Variants in EYA2 observed in about 807,000 individuals in gnomAD.
EYA2 encodes protein phosphatase EYA2.
Under a neutral mutation model 69.2 loss-of-function variants are expected in EYA2, and 31 were observed. The ratio of observed to expected loss-of-function variants is 0.45; its 90% CI spans 0.34 to 0.60. The LOEUF (loss-of-function observed/expected upper bound fraction) is 0.60. EYA2 is among the 20% of genes least tolerant of loss of function. The pLI, the probability that EYA2 is intolerant of heterozygous loss-of-function variation, is 0.02. For missense variants in EYA2, 622 were observed against 701.2 expected (o/e 0.89, Z 1.28); for synonymous variants, 257 against 279.4 (o/e 0.92, Z 0.80).
chr20:47,110,398 T>C (rs1052873630), intron 9 of EYA2, among the ~76,000 whole-genome samples: 1 of 146,356 alleles, frequency 6.8e-6, no homozygotes, highest in Non-Finnish European at 1.5e-5. Flanking sequence ...TGCACTACCA[T>C]GCCCAGCTAA....
intron 10 of EYA2, among the ~76,000 whole-genome samples, chr20:47,154,728 CAGG>C (rs1387761390): frequency 1.3e-5 from 2 of 151,830 alleles, no homozygotes; most frequent in Non-Finnish European, 2.9e-5. Flanking sequence ...GATCTGACAC[CAGG>C]AGGAGGAGGA....
At chr20:47,127,346 G>A (rs1306634996) in intron 9 of EYA2, among the ~76,000 whole-genome samples, 3 of 152,140 alleles carry the variant, frequency 2.0e-5, no homozygotes. Context: ...GCTCATGCTT[G>A]TAATCCCAGC....
chr20:46,980,538 A>G (rs1980766181), intron 1 of EYA2, among the ~76,000 whole-genome samples: 1 of 152,242 alleles, frequency 6.6e-6, no homozygotes, highest in Non-Finnish European at 1.5e-5. Flanking sequence ...TGATACGTTC[A>G]TATAATGTAT....
chr20:47,093,588 T>C (rs2032153209), intron 8 of EYA2, among the ~76,000 whole-genome samples: 3 of 152,042 alleles, frequency 2.0e-5, no homozygotes, highest in African/African-American at 7.2e-5. Context: ...GCGCAAGCTG[T>C]GCTGTGGCTC....
intron 15 of EYA2, among the ~76,000 whole-genome samples, chr20:47,183,975 C>A (rs2034587934): frequency 1.3e-5 from 2 of 152,122 alleles, no homozygotes; most frequent in Non-Finnish European, 2.9e-5. Context: ...ATTAGGGGGA[C>A]CTGGTTTCCC....
chr20:46,923,122 C>T (rs539474345), intron 1 of EYA2, among the ~76,000 whole-genome samples: 1 of 152,310 alleles, frequency 6.6e-6, no homozygotes, highest in Admixed American at 6.5e-5. Context: ...AATCCAAGCA[C>T]TTTGGGAGGC....
chr20:47,022,856 G>A (rs6012100), intron 5 of EYA2, among the ~76,000 whole-genome samples: 6,652 of 151,750 alleles, frequency 0.044, 472 homozygotes, highest in East Asian at 0.29. Context: ...GGGTTTCATT[G>A]TGTTGCATAG....
At chr20:46,953,121 G>A (rs937439537) in intron 1 of EYA2, among the ~76,000 whole-genome samples, 10 of 152,136 alleles carry the variant, frequency 6.6e-5, no homozygotes, top group Non-Finnish European at 8.8e-5. Flanking sequence ...AACACGAAAG[G>A]GAGATACTTG....
At chr20:47,151,642 T>C (rs2033825322) in intron 10 of EYA2, among the ~76,000 whole-genome samples, 1 of 151,970 alleles carries the variant, frequency 6.6e-6, no homozygotes, top group Admixed American at 6.5e-5. Flanking sequence ...CTGAACCAGT[T>C]CCATGTCCTT....
chr20:46,981,293 C>T (rs2146313300), intron 1 of EYA2, among the ~76,000 whole-genome samples: 1 of 152,338 alleles, frequency 6.6e-6, no homozygotes, highest in Middle Eastern at 3.4e-3. Context: ...AAGGGTTTTA[C>T]TAACTCTGGA....
In EYA2 at chr20:47,043,905, A is replaced by G. The variant is rs562012985; in HGVS notation, c.415+27608A>G. 2.0e-5 allele frequency among the ~76,000 whole-genome samples: 3 copies of G among 152,292 alleles called. No homozygotes were observed. The South Asian group carries it at 6.2e-4, about 32-fold the overall frequency. ...TTTTTTAGTGATCAAGAGGATATTG[A>G]TAGGATATAGATATTGATAGTTCAA... On this transcript the variant is annotated intron_variant, in intron 5 of 15. Coordinates refer to ENST00000327619, the MANE Select transcript of EYA2 (RefSeq NM_005244.5).
chr20:46,960,086 C>A (rs1057078937), intron 1 of EYA2, among the ~76,000 whole-genome samples: 1 of 152,232 alleles, frequency 6.6e-6, no homozygotes, highest in Admixed American at 6.5e-5. Flanking sequence ...GCTCAGGGCA[C>A]CACGTCATGC....
chr20:46,950,282 G>C (rs915728913), intron 1 of EYA2, among the ~76,000 whole-genome samples: 2 of 152,282 alleles, frequency 1.3e-5, no homozygotes, highest in East Asian at 3.9e-4. Flanking sequence ...GGACCTTGCA[G>C]CGATGTTCCC....
Position 47,089,240 on chromosome 20 carries a change from T to G in EYA2, c.663T>G (p.Gly221=). 3 of 1,613,684 alleles carry G rather than the reference T, an allele frequency of 1.9e-6. No homozygotes were observed. The highest frequency in any genetic ancestry group is 2.5e-6 in the Non-Finnish European group (3 of 1,179,842). Residue 221 remains glycine (G), a splice_region_variant and synonymous_variant, in exon 8 of 16, where the codon GGT becomes GGG. Coordinates refer to ENST00000327619, the MANE Select transcript of EYA2 (RefSeq NM_005244.5). Reference sequence around the variant, plus strand: ...CCACCATTCCCTTTCTTACGCCAGGTGAATACAACACACACAATGGACCTT... The same window carrying G: ...CCACCATTCCCTTTCTTACGCCAGGGGAATACAACACACACAATGGACCTT... ...VPNQSSESLA[G]EYNTHNGPST... is the part of the protein sequence containing the mutation.
intron 10 of EYA2, among the ~76,000 whole-genome samples, chr20:47,148,891 G>C (rs1219240127): frequency 6.6e-6 from 1 of 152,122 alleles, no homozygotes; most frequent in Non-Finnish European, 1.5e-5. Context: ...GTCAGAGCTG[G>C]ACCTAGGTCT....
chr20:47,129,878 G>A (rs2033294243), intron 9 of EYA2, among the ~76,000 whole-genome samples: 1 of 152,120 alleles, frequency 6.6e-6, no homozygotes. Flanking sequence ...ATTATTTTGG[G>A]GAACTATCTC....
intron 7 of EYA2, among the ~76,000 whole-genome samples, chr20:47,088,562 G>A (rs890952265): frequency 1.3e-5 from 2 of 151,926 alleles, no homozygotes; most frequent in African/African-American, 2.4e-5. Context: ...AGCCCTCCCC[G>A]CTGCCCCACC....
chr20:47,036,378 C>G (rs768695627), intron 5 of EYA2, among the ~76,000 whole-genome samples: 8 of 152,184 alleles, frequency 5.3e-5, no homozygotes, highest in African/African-American at 1.9e-4. Context: ...AAGACAGACT[C>G]CTGCTGTTTG....
intron 5 of EYA2, among the ~76,000 whole-genome samples, chr20:47,033,976 A>G (rs979341017): frequency 6.6e-6 from 1 of 152,230 alleles, no homozygotes; most frequent in Non-Finnish European, 1.5e-5. Context: ...TGGGTCACAT[A>G]GTGAGGAAGT....
Sources: allele counts gnomAD v4.1 joint callset (sites outside exome capture counted in the v4.1 genomes callset), GRCh38; gene constraint gnomAD v4.1.1; transcripts MANE v1.5; gene names NCBI Gene and HGNC (gene_info 2026-07-23, HGNC 2026-07-21).